Variants in ROBO1 observed in about 807,000 individuals in gnomAD.
ROBO1 encodes roundabout guidance receptor 1, also known as roundabout homolog 1.
Under a neutral mutation model 195.9 loss-of-function variants are expected in ROBO1, and 149 were observed. The observed-to-expected ratio is 0.76, with a 90% CI of 0.67 to 0.87. The LOEUF (loss-of-function observed/expected upper bound fraction) is 0.87. ROBO1 is among the 40% of genes least tolerant of loss of function. The pLI, the probability that ROBO1 is intolerant of heterozygous loss-of-function variation, is 0.00. For synonymous variants in ROBO1, 816 were observed against 733.2 expected (o/e 1.11, Z -1.82); for missense variants, 1,933 against 2,068.3 (o/e 0.93, Z 1.27).
At chr3:78,888,592 G>C (rs138643559) in intron 4 of ROBO1, among the ~76,000 whole-genome samples, 1 of 152,088 alleles carries the variant, frequency 6.6e-6, no homozygotes, top group Non-Finnish European at 1.5e-5. Context: ...AATGAATATC[G>C]TCAGCAAACA....
At chr3:79,607,853 A>G (rs1049497461) in intron 1 of ROBO1, among the ~76,000 whole-genome samples, 6 of 151,980 alleles carry the variant, frequency 3.9e-5, no homozygotes, top group Admixed American at 3.3e-4. Context: ...ATTGAATATG[A>G]TATTTTACAG....
intron 4 of ROBO1, among the ~76,000 whole-genome samples, chr3:78,828,793 G>A (rs2031874124): frequency 1.3e-5 from 2 of 152,170 alleles, no homozygotes; most frequent in South Asian, 4.1e-4. Context: ...GGTGTCTCCT[G>A]TTCTTTCCAT....
intron 1 of ROBO1, among the ~76,000 whole-genome samples, chr3:79,687,957 C>T (rs1947179168): frequency 2.0e-5 from 3 of 152,014 alleles, no homozygotes; most frequent in Non-Finnish European, 4.4e-5. Context: ...ATAGCAAAGA[C>T]TTGGAACCAA....
intron 1 of ROBO1, among the ~76,000 whole-genome samples, chr3:79,687,989 G>A (rs557921865): frequency 6.6e-6 from 1 of 152,118 alleles, no homozygotes; most frequent in Non-Finnish European, 1.5e-5. Context: ...AACAATGATA[G>A]ACTGGATTAA....
intron 1 of ROBO1, among the ~76,000 whole-genome samples, chr3:79,709,792 A>G (rs1477429550): frequency 6.6e-6 from 1 of 152,102 alleles, no homozygotes; most frequent in Non-Finnish European, 1.5e-5. Flanking sequence ...CACTTCCATT[A>G]CCATTAAAAT....
At chr3:78,843,191 T>C (rs1421671679) in intron 4 of ROBO1, among the ~76,000 whole-genome samples, 1 of 152,074 alleles carries the variant, frequency 6.6e-6, no homozygotes, top group Non-Finnish European at 1.5e-5. Flanking sequence ...AAAAGGACTT[T>C]TACTGAATAT....
chr3:78,682,436 T>G (rs2080940191), intron 10 of ROBO1, among the ~76,000 whole-genome samples: 1 of 149,472 alleles, frequency 6.7e-6, no homozygotes, highest in East Asian at 1.9e-4. Context: ...TATATTTTGA[T>G]ATGACTGTGT....
intron 1 of ROBO1, among the ~76,000 whole-genome samples, chr3:79,741,192 A>T (rs145717137): frequency 6.6e-6 from 1 of 152,202 alleles, no homozygotes; most frequent in African/African-American, 2.4e-5. Context: ...CTTTTTCAGC[A>T]GAACAAACCA....
intron 3 of ROBO1, among the ~76,000 whole-genome samples, chr3:78,947,404 T>A (rs978388297): frequency 2.0e-5 from 3 of 152,198 alleles, no homozygotes; most frequent in Middle Eastern, 3.4e-3. Flanking sequence ...GAAACTGAAA[T>A]ACCTGCTCCT....
chr3:78,935,098 A>G (rs1187357822), intron 4 of ROBO1, among the ~76,000 whole-genome samples: 1 of 152,206 alleles, frequency 6.6e-6, no homozygotes, highest in South Asian at 2.1e-4. Flanking sequence ...AAGCAGCGAG[A>G]AAATATTCCT....
intron 3 of ROBO1, among the ~76,000 whole-genome samples, chr3:79,075,506 G>A (rs1015598929): frequency 6.6e-6 from 1 of 151,856 alleles, no homozygotes; most frequent in African/African-American, 2.4e-5. Context: ...GGTTTTCTGG[G>A]GTCACACAAG....
At chr3:78,941,192 C>T (rs1485231289) in intron 3 of ROBO1, among the ~76,000 whole-genome samples, 1 of 152,040 alleles carries the variant, frequency 6.6e-6, no homozygotes, top group African/African-American at 2.4e-5. Flanking sequence ...ATCTGAAACA[C>T]TAATAACTTT....
At chr3:78,915,262 G>A (rs2038490857) in intron 4 of ROBO1, among the ~76,000 whole-genome samples, 2 of 152,080 alleles carry the variant, frequency 1.3e-5, no homozygotes, top group African/African-American at 4.8e-5. Context: ...CATCAAGAAT[G>A]TTCAAAAAGA....
At chr3:78,796,346 T>C (rs1227399984) in intron 4 of ROBO1, among the ~76,000 whole-genome samples, 1 of 69,878 alleles carries the variant, frequency 1.4e-5, no homozygotes, top group African/African-American at 5.7e-5. Context: ...AAAAGACTAA[T>C]GAAAGCCTGA....
At chr3:79,208,602 T>C (rs1271079004) in intron 2 of ROBO1, among the ~76,000 whole-genome samples, 1 of 152,142 alleles carries the variant, frequency 6.6e-6, no homozygotes, top group Non-Finnish European at 1.5e-5. Context: ...GATGCATTTA[T>C]GCAAAGGCTA....
At chr3:79,401,390 A>G (rs1473282538) in intron 2 of ROBO1, among the ~76,000 whole-genome samples, 3 of 151,874 alleles carry the variant, frequency 2.0e-5, no homozygotes, top group African/African-American at 2.4e-5. Flanking sequence ...TGCTGATTGA[A>G]CCACTCAAAG....
chr3:79,296,273 G>A (rs2032594712), intron 2 of ROBO1, among the ~76,000 whole-genome samples: 1 of 152,046 alleles, frequency 6.6e-6, no homozygotes, highest in Non-Finnish European at 1.5e-5. Context: ...ACTCAATAAT[G>A]CATTAATACT....
intron 8 of ROBO1, among the ~76,000 whole-genome samples, chr3:78,711,254 G>GCA: frequency 6.6e-6 from 1 of 151,202 alleles, no homozygotes; most frequent in Middle Eastern, 3.4e-3. Flanking sequence ...ATGTCCCTGT[G>GCA]CTCTCTCTCT....
At chr3:78,908,046 T>G (rs1328659073) in intron 4 of ROBO1, among the ~76,000 whole-genome samples, 1 of 151,908 alleles carries the variant, frequency 6.6e-6, no homozygotes, top group African/African-American at 2.4e-5. Flanking sequence ...AAAAACAAAA[T>G]AATTATAAAC....
Sources: allele counts gnomAD v4.1 joint callset (sites outside exome capture counted in the v4.1 genomes callset), GRCh38; gene constraint gnomAD v4.1.1; transcripts MANE v1.5; gene names NCBI Gene and HGNC (gene_info 2026-07-23, HGNC 2026-07-21).